Variants in SKAP1 observed in about 807,000 individuals in gnomAD.
SKAP1 encodes the protein src kinase-associated phosphoprotein 1.
SKAP1 carries 44 observed loss-of-function variants against 58.5 expected under a neutral mutation model. That is an observed-to-expected ratio of 0.75 (90% CI 0.59 to 0.97). The LOEUF is 0.97. Among genes scored for constraint, SKAP1 ranks in the 50% least tolerant of loss-of-function variants. The pLI is 0.00. For synonymous variants in SKAP1, 127 were observed against 149.7 expected, an observed-to-expected ratio of 0.85 and a Z score of 1.11; for missense variants, 390 against 435.2, an observed-to-expected ratio of 0.90 and a Z score of 0.92.
chr17:48,437,741 CAAAAA>C, the SKAP1 span, among the ~76,000 whole-genome samples: 16 of 65,536 alleles, frequency 2.4e-4, no homozygotes, highest in South Asian at 5.1e-3. Context: ...GACTCTGTCT[CAAAAA>C]AAAAAAAAAA....
At chr17:48,320,074 C>G (rs1036269636) in intron 4 of SKAP1, among the ~76,000 whole-genome samples, 1 of 151,740 alleles carries the variant, frequency 6.6e-6, no homozygotes, top group African/African-American at 2.4e-5. Flanking sequence ...GGCAAGAGAT[C>G]CAAAGGCATG....
At chr17:48,165,024 C>T (rs544004490) in intron 10 of SKAP1, among the ~76,000 whole-genome samples, 1 of 152,368 alleles carries the variant, frequency 6.6e-6, no homozygotes, top group South Asian at 2.1e-4. Context: ...ACATTGGCCA[C>T]ACATGAGCCC....
chr17:48,286,309 A>T (rs2065829463), intron 4 of SKAP1, among the ~76,000 whole-genome samples: 1 of 152,236 alleles, frequency 6.6e-6, no homozygotes, highest in South Asian at 2.1e-4. Flanking sequence ...GAAGCCTGGA[A>T]TATATAACAA....
chr17:48,151,652 C>T (rs1022260312), intron 11 of SKAP1, among the ~76,000 whole-genome samples: 1 of 152,170 alleles, frequency 6.6e-6, no homozygotes, highest in African/African-American at 2.4e-5. Flanking sequence ...CTTGCACTGC[C>T]AGGAGATTCT....
At chr17:48,152,399 G>A (rs1044792484) in intron 11 of SKAP1, among the ~76,000 whole-genome samples, 1 of 152,172 alleles carries the variant, frequency 6.6e-6, no homozygotes, top group African/African-American at 2.4e-5. Context: ...TAATTATACT[G>A]AAACAAAGCT....
intron 4 of SKAP1, among the ~76,000 whole-genome samples, chr17:48,228,898 T>C (rs1421222470): frequency 6.6e-6 from 1 of 152,140 alleles, no homozygotes; most frequent in Non-Finnish European, 1.5e-5. Context: ...TAGAACCCTG[T>C]GGTTTGCTGG....
At chr17:48,416,776 G>T (rs1487272093) in intron 1 of SKAP1, among the ~76,000 whole-genome samples, 1 of 152,182 alleles carries the variant, frequency 6.6e-6, no homozygotes, top group Non-Finnish European at 1.5e-5. Flanking sequence ...GCTTCTGGTA[G>T]AAACAAAAAT....
In SKAP1 at chr17:48,236,644, G is replaced by T. The variant is rs148276568; in HGVS notation, c.281-47144C>A. Among the ~76,000 whole-genome samples the T allele has an allele frequency of 7.0e-4, 106 of 152,318 alleles. 1 individual carries two copies. Among genetic ancestry groups the T allele is most frequent in the African/African-American group, 2.5e-3 (103 of 41,576 alleles). On this transcript the variant is annotated intron_variant, in intron 4 of 12. Coordinates refer to ENST00000336915, the MANE Select transcript of SKAP1 (RefSeq NM_003726.4). ...CCAATGGAGGAGGAGGAACGAATAG[G>T]ATGTTAACTGAGACTGCGAAGTTTG...
chr17:48,153,874 T>C (rs1444733537), intron 11 of SKAP1, among the ~76,000 whole-genome samples: 1 of 150,178 alleles, frequency 6.7e-6, no homozygotes, highest in African/African-American at 2.5e-5. Context: ...AACACCTCCT[T>C]TCCCTCAGAG....
intron 4 of SKAP1, among the ~76,000 whole-genome samples, chr17:48,288,601 G>A (rs945733584): frequency 6.6e-6 from 1 of 152,264 alleles, no homozygotes; most frequent in South Asian, 2.1e-4. Flanking sequence ...CAGAAGGCTC[G>A]CTTGAACCCA....
At chr17:48,433,622 G>T (rs1175048171), upstream of SKAP1, among the ~76,000 whole-genome samples, 2 of 152,156 alleles carry the variant, frequency 1.3e-5, no homozygotes, top group Non-Finnish European at 2.9e-5. Context: ...CAGATAAGAG[G>T]TCCTTTGGAG....
chr17:48,430,215 A>T (rs1292709242), upstream of SKAP1: 1 of 780,728 alleles, frequency 1.3e-6, no homozygotes, highest in Non-Finnish European at 1.6e-6. Context: ...AGGCACCTGT[A>T]CCTCAGCCGC....
intron 3 of SKAP1, among the ~76,000 whole-genome samples, chr17:48,362,150 C>G (rs990466489): frequency 6.6e-6 from 1 of 152,186 alleles, no homozygotes; most frequent in Non-Finnish European, 1.5e-5. Flanking sequence ...TTTCACTTGT[C>G]TCCTTGGCTG....
At chr17:48,196,996 C>T (rs1366164920) in intron 4 of SKAP1, among the ~76,000 whole-genome samples, 1 of 152,208 alleles carries the variant, frequency 6.6e-6, no homozygotes. Context: ...TGGTGGCCCA[C>T]GCCTGTAATC....
At chr17:48,424,075 T>G (rs4261589) in intron 1 of SKAP1, among the ~76,000 whole-genome samples, 50,118 of 151,994 alleles carry the variant, frequency 0.33, 8,973 homozygotes, top group African/African-American at 0.46. Context: ...ATAAACAACA[T>G]AAATTTATTT....
At chr17:48,402,892 TAAAG>T (rs2067518492) in intron 1 of SKAP1, among the ~76,000 whole-genome samples, 1 of 152,076 alleles carries the variant, frequency 6.6e-6, no homozygotes, top group Non-Finnish European at 1.5e-5. Flanking sequence ...AGAAAGTAGA[TAAAG>T]AAAGTCAGGA....
At chr17:48,208,195 G>A (rs188274081) in intron 4 of SKAP1, among the ~76,000 whole-genome samples, 64 of 152,206 alleles carry the variant, frequency 4.2e-4, no homozygotes, top group Admixed American at 3.9e-3. Context: ...TGGAAACAAC[G>A]GCAATATGAA....
At chr17:48,372,296 G>A (rs773262502) in intron 2 of SKAP1, among the ~76,000 whole-genome samples, 7 of 150,346 alleles carry the variant, frequency 4.7e-5, no homozygotes, top group African/African-American at 7.4e-5. Context: ...TGTTTTACAT[G>A]TGTTATTTTA....
At chr17:48,360,417 T>C (rs1463691073) in intron 3 of SKAP1, among the ~76,000 whole-genome samples, 1 of 152,178 alleles carries the variant, frequency 6.6e-6, no homozygotes, top group Non-Finnish European at 1.5e-5. Flanking sequence ...GATATTGCCA[T>C]CAAATCTAAG....
Sources: gnomAD v4.1 joint callset for allele counts (sites outside exome capture counted in the v4.1 genomes callset) on GRCh38, gnomAD v4.1.1 for gene constraint, MANE v1.5 for transcripts, NCBI Gene and HGNC (gene_info 2026-07-23, HGNC 2026-07-21) for gene names.